ZGRF1: variants seen among roughly 807,000 people sequenced by gnomAD.
ZGRF1 encodes the protein zinc finger GRF-type containing 1.
A neutral mutation model predicts 203.5 loss-of-function variants in ZGRF1; 196 were observed. That is an observed-to-expected ratio of 0.96 (90% CI 0.86 to 1.08). The LOEUF (loss-of-function observed/expected upper bound fraction) is 1.08, where lower values mean the gene tolerates loss of function less well. Ranked by LOEUF, ZGRF1 falls within the 50% of genes least tolerant of loss-of-function variation. The pLI, the probability that ZGRF1 is intolerant of heterozygous loss-of-function variation, is 0.00. For synonymous variants in ZGRF1, 809 were observed against 841.3 expected, an observed-to-expected ratio of 0.96 and a Z score of 0.66; for missense variants, 2,326 against 2,416.3, an observed-to-expected ratio of 0.96 and a Z score of 0.78.
chr4:112,599,790 AG>A lies in ZGRF1; in HGVS notation c.2976+3733del, dbSNP rs1365299138. Among the ~76,000 whole-genome samples the A allele has an allele frequency of 2.2e-4, 33 of 152,298 alleles. No individual in the cohort carries two copies. The East Asian group carries it at 5.8e-3, about 27-fold the overall frequency. On this transcript the variant is annotated intron_variant, in intron 10 of 27. Coordinates refer to ENST00000505019, the MANE Select transcript of ZGRF1 (RefSeq NM_018392.5). The stretch of plus-strand genomic sequence containing the variant: ...TGAAATTGCAGACCAATAAATCAGA[AG>A]AGAAACTAATAAGAGACCCTTAATA...
In ZGRF1 at chr4:112,617,845, T is replaced by C. The variant is rs781766131; in HGVS notation, c.2197A>G (p.Ser733Gly). 3 of 1,614,100 alleles carry C rather than the reference T, an allele frequency of 1.9e-6. No homozygotes were observed. Among genetic ancestry groups the C allele is most frequent in the South Asian group, 1.1e-5 (1 of 91,074 alleles). Reference sequence around the variant, plus strand: ...AATAGTTGGACACTGTTGTCACTACTAGAAGTTGAGGGTAAAACATGTTCA... The same window carrying C: ...AATAGTTGGACACTGTTGTCACTACCAGAAGTTGAGGGTAAAACATGTTCA... ...NDEHVLPSTS[S>G]SDNSVQLLNT... The change falls in exon 6 of 28, where the codon AGT becomes GGT. Residue 733 changes from serine to glycine, a missense_variant. By Grantham distance (56) the Ser-to-Gly change is moderately conservative. Coordinates refer to ENST00000505019, the MANE Select transcript of ZGRF1 (RefSeq NM_018392.5).
chr4:112,545,214 GA>G (rs952885030), intron 24 of ZGRF1, among the ~76,000 whole-genome samples: 13 of 145,226 alleles, frequency 9.0e-5, no homozygotes, highest in East Asian at 8.1e-4. Flanking sequence ...CAACAAAATG[GA>G]AAAAAAAATT....
At chr4:112,622,446 G>A (rs2047091177) in intron 4 of ZGRF1, among the ~76,000 whole-genome samples, 2 of 150,600 alleles carry the variant, frequency 1.3e-5, no homozygotes, top group Non-Finnish European at 1.5e-5. Flanking sequence ...CTTGAACCCA[G>A]GAGGCAGAGG....
chr4:112,618,562 T>C lies in ZGRF1; in HGVS notation c.1480A>G (p.Arg494Gly). The C allele has an allele frequency of 1.2e-6, 2 of 1,613,666 alleles. No homozygotes were observed. The highest frequency in any genetic ancestry group is 1.7e-6 in the Non-Finnish European group (2 of 1,179,788). The change falls in exon 6 of 28, where the codon AGG (arginine) becomes GGG (glycine). Residue 494 changes from arginine (R) to glycine (G), a missense_variant. Coordinates refer to ENST00000505019, the MANE Select transcript of ZGRF1 (RefSeq NM_018392.5). The stretch of plus-strand genomic sequence containing the variant: ...ATGTCTGTAATGTCATCAGAGATCC[T>C]AGAATTATTACTAGATTCAATTTGG... ...HLQIESSNNS[R>G]ISDDITDMIS... is the part of the protein sequence containing the mutation.
At chr4:112,625,114 T>C (rs2047188479) in intron 3 of ZGRF1, among the ~76,000 whole-genome samples, 1 of 152,112 alleles carries the variant, frequency 6.6e-6, no homozygotes, top group Non-Finnish European at 1.5e-5. Flanking sequence ...GAAGCAAGAC[T>C]CTATCTCTAA....
intron 16 of ZGRF1, among the ~76,000 whole-genome samples, chr4:112,579,494 A>G (rs1166095919): frequency 8.1e-6 from 1 of 123,016 alleles, no homozygotes; most frequent in Non-Finnish European, 1.8e-5. Context: ...CCCTGTTTGC[A>G]GATGACATGA....
rs1737088888 is a variant in ZGRF1 at position 112,539,389 on chromosome 4, T to C, written c.*158A>G. ...TAGTAGGATTTTATACTACCTTTTGTACACTTTTTTGAAGAACAAAATTTT... is the reference window on the plus strand; with the variant it reads ...TAGTAGGATTTTATACTACCTTTTGCACACTTTTTTGAAGAACAAAATTTT... On this transcript the variant is annotated 3_prime_UTR_variant, in exon 28 of 28. Coordinates refer to ENST00000505019, the MANE Select transcript of ZGRF1 (RefSeq NM_018392.5). 1.1e-5 allele frequency: 5 copies of C among 454,608 alleles called. No individual in the cohort carries two copies. Among genetic ancestry groups the C allele is most frequent in the Non-Finnish European group, 1.1e-5 (3 of 264,296 alleles). 28.2% of individuals were successfully genotyped at this position (454,608 alleles called of 1,614,324 possible).
chr4:112,555,288 C>T (rs1474155702), intron 20 of ZGRF1, among the ~76,000 whole-genome samples: 1 of 152,148 alleles, frequency 6.6e-6, no homozygotes, highest in African/African-American at 2.4e-5. Flanking sequence ...ACATTATCCC[C>T]CAGTTAGGGC....
intron 21 of ZGRF1, 131 bp downstream of exon 21, chr4:112,554,574 A>G (rs1740602045): frequency 5.1e-6 from 3 of 583,706 alleles, no homozygotes; most frequent in Admixed American, 3.2e-5. Context: ...CAAAATACAG[A>G]TTTTCTAAGT....
At chr4:112,604,661 T>G (rs1296079230) in intron 9 of ZGRF1, among the ~76,000 whole-genome samples, 1 of 152,174 alleles carries the variant, frequency 6.6e-6, no homozygotes, top group African/African-American at 2.4e-5. Flanking sequence ...TGCCTCTCAG[T>G]AGAAAGATGT....
chr4:112,630,626 C>T (rs566561864), intron 3 of ZGRF1, among the ~76,000 whole-genome samples: 1 of 152,074 alleles, frequency 6.6e-6, no homozygotes, highest in African/African-American at 2.4e-5. Flanking sequence ...AAATTAGTGA[C>T]TCAACTGTAA....
chr4:112,610,137 G>GA (rs1751366648), intron 7 of ZGRF1, among the ~76,000 whole-genome samples: 1 of 151,208 alleles, frequency 6.6e-6, no homozygotes, highest in Non-Finnish European at 1.5e-5. Context: ...ACCTGTCTCA[G>GA]AAAAAAATAC....
chr4:112,567,825 C>T (rs1743414092), intron 16 of ZGRF1, among the ~76,000 whole-genome samples: 2 of 152,014 alleles, frequency 1.3e-5, no homozygotes, highest in African/African-American at 2.4e-5. Context: ...AGTCAGAACG[C>T]TGAGGTGGGA....
chr4:112,607,575 C>T (rs1750961946), intron 8 of ZGRF1, among the ~76,000 whole-genome samples: 1 of 152,160 alleles, frequency 6.6e-6, no homozygotes, highest in Admixed American at 6.6e-5. Flanking sequence ...TCAAAGAACA[C>T]ACTGTTTTGA....
At chr4:112,566,234 A>C (rs1209485658) in intron 16 of ZGRF1, among the ~76,000 whole-genome samples, 1 of 151,030 alleles carries the variant, frequency 6.6e-6, no homozygotes, top group Non-Finnish European at 1.5e-5. Context: ...GTAAACTATC[A>C]CAAGAACAAA....
chr4:112,617,552 C>G lies in ZGRF1; in HGVS notation c.2490G>C (p.Lys830Asn). 6.2e-7 allele frequency: 1 copy of G among 1,613,370 alleles called. No individual in the cohort carries two copies. Among genetic ancestry groups the G allele is most frequent in the South Asian group, 1.1e-5 (1 of 90,914 alleles). ...SGLVNTISIL[K>N]SLCEHSTALD... ...AAGCAGTACTGTGTTCACATAGCGA[C>G]TTTAAAATAGAAATGGTATTTACTA... Residue 830 changes from lysine to asparagine, a missense_variant, in exon 6 of 28, where the codon AAG (lysine) becomes AAC (asparagine). Transcript: ENST00000505019.
At chr4:112,589,378 C>A (rs1747761863) in intron 11 of ZGRF1, among the ~76,000 whole-genome samples, 1 of 152,102 alleles carries the variant, frequency 6.6e-6, no homozygotes, top group African/African-American at 2.4e-5. Context: ...GTTGATGAGA[C>A]ACTTGCAATG....
In ZGRF1 at chr4:112,587,932, G is replaced by C; in HGVS notation, c.3128-3C>G. On this transcript the variant is annotated splice_polypyrimidine_tract_variant and splice_region_variant and intron_variant, in intron 11 of 27. Coordinates refer to ENST00000505019, the MANE Select transcript of ZGRF1 (RefSeq NM_018392.5). ...CAGAGAACGGGATTTTTTCATCCCT[G>C]AAAGAAAACAGAATGCTGATTAAAT... 6.6e-7 allele frequency: 1 copy of C among 1,514,824 alleles called. No homozygotes were observed. The highest frequency in any genetic ancestry group is 8.8e-7 in the Non-Finnish European group (1 of 1,132,680). The allele number at this position is 1,514,824 out of a possible 1,614,324, so 93.8% of individuals were successfully genotyped here.
Position 112,539,954 on chromosome 4 carries a change from C to G in ZGRF1, c.6081G>C (p.Leu2027Phe). ...TCAACAAATGCCTCTTTCCTCTAGT[C>G]AATGCAACATTCATTCTTTTTTCTG... ...IDSEKRMNVA[L>F]TRGKRHLLIV... Residue 2027 changes from leucine (L) to phenylalanine (F), a missense_variant, in exon 27 of 28, where the codon TTG becomes TTC. Transcript: ENST00000505019. 9 of 1,613,866 alleles carry G rather than the reference C, an allele frequency of 5.6e-6. No individual in the cohort carries two copies. Among genetic ancestry groups the G allele is most frequent in the Non-Finnish European group, 6.8e-6 (8 of 1,179,814 alleles).
Sources: gnomAD v4.1 joint callset for allele counts (sites outside exome capture counted in the v4.1 genomes callset) on GRCh38, gnomAD v4.1.1 for gene constraint, MANE v1.5 for transcripts, NCBI Gene and HGNC (gene_info 2026-07-23, HGNC 2026-07-21) for gene names.